The following RGS6 variants were observed in gnomAD, a reference collection of about 807,000 sequenced individuals.
RGS6 encodes the protein regulator of G protein signaling 6.
Under a neutral mutation model 78.5 loss-of-function variants are expected in RGS6, and 30 were observed. The observed-to-expected ratio is 0.38, with a 90% CI of 0.29 to 0.52. The LOEUF (loss-of-function observed/expected upper bound fraction) is 0.52. Ranked by LOEUF, RGS6 falls within the 20% of genes least tolerant of loss-of-function variation. RGS6 has a pLI of 0.85. For synonymous variants in RGS6, 206 were observed against 206.0 expected, an observed-to-expected ratio of 1.00 and a Z score of 0.00; for missense variants, 495 against 609.7, an observed-to-expected ratio of 0.81 and a Z score of 1.98.
chr14:72,546,693 C>T (rs2097409708), intron 17 of RGS6, among the ~76,000 whole-genome samples: 1 of 152,214 alleles, frequency 6.6e-6, no homozygotes, highest in Non-Finnish European at 1.5e-5. Flanking sequence ...CCCAGGCCCT[C>T]TCCTGCCTTC....
chr14:72,468,484 T>C (rs1005316987), intron 7 of RGS6, among the ~76,000 whole-genome samples: 4 of 152,256 alleles, frequency 2.6e-5, no homozygotes, highest in Admixed American at 2.6e-4. Flanking sequence ...CAATAATTTT[T>C]TTATGAATTT....
intron 1 of RGS6, among the ~76,000 whole-genome samples, chr14:71,938,284 C>T (rs562230847): frequency 1.3e-5 from 2 of 152,364 alleles, no homozygotes; most frequent in East Asian, 3.9e-4. Flanking sequence ...CCTGACCATC[C>T]AGCCAAGCCA....
chr14:72,218,265 C>T (rs1284267632), intron 2 of RGS6, among the ~76,000 whole-genome samples: 2 of 151,954 alleles, frequency 1.3e-5, no homozygotes, highest in East Asian at 3.9e-4. Context: ...ATATGACTTT[C>T]CTAAAAGCTT....
chr14:72,097,265 A>G (rs945501056), intron 2 of RGS6, among the ~76,000 whole-genome samples: 2 of 152,216 alleles, frequency 1.3e-5, no homozygotes, highest in Admixed American at 1.3e-4. Context: ...TTTCTATTCT[A>G]TGTGTGTGGC....
chr14:72,253,294 C>T (rs1170368436), intron 2 of RGS6, among the ~76,000 whole-genome samples: 1 of 152,238 alleles, frequency 6.6e-6, no homozygotes, highest in East Asian at 1.9e-4. Context: ...GCCCACCTGC[C>T]ACTGGCATGT....
At chr14:72,318,736 G>T (rs2071027191) in intron 2 of RGS6, among the ~76,000 whole-genome samples, 1 of 152,132 alleles carries the variant, frequency 6.6e-6, no homozygotes, top group Admixed American at 6.5e-5. Flanking sequence ...ATAAGCCTTT[G>T]TTTGGAAAAT....
intron 12 of RGS6, among the ~76,000 whole-genome samples, chr14:72,484,157 C>T (rs932823014): frequency 6.6e-6 from 1 of 152,186 alleles, no homozygotes; most frequent in Admixed American, 6.5e-5. Context: ...CTCCTCTTCA[C>T]CCCCTTTAAT....
At chr14:71,900,415 G>T in the RGS6 span, among the ~76,000 whole-genome samples, 1 of 152,142 alleles carries the variant, frequency 6.6e-6, no homozygotes, top group African/African-American at 2.4e-5. Context: ...TGGTCTCCCA[G>T]ATTCCTCTCA....
At chr14:72,171,998 C>CCATG (rs1303111734) in intron 2 of RGS6, among the ~76,000 whole-genome samples, 6 of 152,148 alleles carry the variant, frequency 3.9e-5, no homozygotes, top group African/African-American at 1.4e-4. Context: ...GATGAGCTTG[C>CCATG]CATGCCTCTT....
chr14:72,392,185 CAAAT>C (rs1328075738), intron 3 of RGS6, among the ~76,000 whole-genome samples: 11 of 144,190 alleles, frequency 7.6e-5, no homozygotes, highest in Non-Finnish European at 1.0e-4. Context: ...CATACATACA[CAAAT>C]ATATATATAT....
At chr14:72,503,339 C>A (rs1429300406) in intron 13 of RGS6, among the ~76,000 whole-genome samples, 4 of 152,216 alleles carry the variant, frequency 2.6e-5, no homozygotes, top group African/African-American at 9.7e-5. Flanking sequence ...ATCTTGCATG[C>A]AAAATACATT....
intron 17 of RGS6, among the ~76,000 whole-genome samples, chr14:72,544,866 A>T (rs2097371159): frequency 6.6e-6 from 1 of 152,216 alleles, no homozygotes; most frequent in Non-Finnish European, 1.5e-5. Flanking sequence ...AGAAACTCCC[A>T]GCTCCAGGCC....
chr14:71,979,133 G>A (rs2094312409), intron 2 of RGS6, among the ~76,000 whole-genome samples: 1 of 148,916 alleles, frequency 6.7e-6, no homozygotes, highest in South Asian at 2.1e-4. Context: ...TTTTTATTGT[G>A]TCTATTTGAT....
chr14:72,335,492 G>A (rs1413966249), intron 2 of RGS6, among the ~76,000 whole-genome samples: 3 of 152,206 alleles, frequency 2.0e-5, no homozygotes, highest in Non-Finnish European at 4.4e-5. Context: ...CCCAGGGACA[G>A]GGCATTGGCT....
At chr14:72,178,791 A>C (rs555053477) in intron 2 of RGS6, among the ~76,000 whole-genome samples, 1 of 152,304 alleles carries the variant, frequency 6.6e-6, no homozygotes, top group South Asian at 2.1e-4. Context: ...AGGTAATACC[A>C]CATAACTTTT....
chr14:72,297,927 G>GTT (rs149641735), intron 2 of RGS6, among the ~76,000 whole-genome samples: 1 of 150,234 alleles, frequency 6.7e-6, no homozygotes, highest in African/African-American at 2.4e-5. Flanking sequence ...TATGTAGAAG[G>GTT]TTTTTTTTTG....
intron 2 of RGS6, among the ~76,000 whole-genome samples, chr14:72,302,233 C>G (rs926540042): frequency 1.3e-5 from 2 of 152,200 alleles, no homozygotes; most frequent in Non-Finnish European, 2.9e-5. Flanking sequence ...GGCACTATCA[C>G]AAGAGTGGAC....
intron 2 of RGS6, among the ~76,000 whole-genome samples, chr14:72,317,505 C>T (rs1958477932): frequency 6.6e-6 from 1 of 152,166 alleles, no homozygotes; most frequent in African/African-American, 2.4e-5. Context: ...TTGTCGAAGG[C>T]CTTCGCAAAT....
At chr14:72,001,093 G>A (rs1279954136) in intron 2 of RGS6, among the ~76,000 whole-genome samples, 1 of 152,126 alleles carries the variant, frequency 6.6e-6, no homozygotes. Flanking sequence ...TCCACTTTTG[G>A]CCCTGTCGTG....
Sources: allele counts gnomAD v4.1 joint callset (sites outside exome capture counted in the v4.1 genomes callset), GRCh38; gene constraint gnomAD v4.1.1; transcripts MANE v1.5; gene names NCBI Gene and HGNC (gene_info 2026-07-23, HGNC 2026-07-21).